Variants in SEMA3C observed in about 807,000 individuals in gnomAD.
SEMA3C encodes semaphorin 3C.
A neutral mutation model predicts 89.4 loss-of-function variants in SEMA3C; 47 were observed. The ratio of observed to expected loss-of-function variants is 0.53; its 90% CI spans 0.42 to 0.67. SEMA3C has a LOEUF of 0.67. SEMA3C is among the 30% of genes least tolerant of loss of function. SEMA3C has a pLI of 0.00. For synonymous variants in SEMA3C, 310 were observed against 320.2 expected, an observed-to-expected ratio of 0.97 and a Z score of 0.34; for missense variants, 839 against 929.1, an observed-to-expected ratio of 0.90 and a Z score of 1.26.
intron 2 of SEMA3C, among the ~76,000 whole-genome samples, chr7:80,888,219 C>T (rs1264088280): frequency 6.6e-6 from 1 of 151,926 alleles, no homozygotes; most frequent in African/African-American, 2.4e-5. Context: ...TGGAGACTAT[C>T]CTGGGCAACA....
chr7:80,784,367 C>A (rs1279629598), intron 12 of SEMA3C, among the ~76,000 whole-genome samples: 2 of 151,076 alleles, frequency 1.3e-5, no homozygotes, highest in African/African-American at 4.9e-5. Flanking sequence ...ATTTTTTCAA[C>A]CTGTGATTTT....
chr7:80,825,696 G>A (rs1789856040), intron 4 of SEMA3C, among the ~76,000 whole-genome samples: 1 of 152,002 alleles, frequency 6.6e-6, no homozygotes, highest in South Asian at 2.1e-4. Flanking sequence ...AAATCCTTTT[G>A]AACAAAGGAC....
At chr7:80,815,146 C>T (rs1487216087) in intron 5 of SEMA3C, among the ~76,000 whole-genome samples, 1 of 151,794 alleles carries the variant, frequency 6.6e-6, no homozygotes, top group Non-Finnish European at 1.5e-5. Flanking sequence ...CTGGATTGAA[C>T]AATGAGAGAA....
intron 1 of SEMA3C, among the ~76,000 whole-genome samples, 154 bp downstream of exon 1, chr7:80,918,674 C>T (rs1320012772): frequency 6.6e-6 from 1 of 152,190 alleles, no homozygotes; most frequent in African/African-American, 2.4e-5. Context: ...TCGAGCAGGG[C>T]TCTCAGCAAG....
At chr7:80,789,851 G>T (rs1788894363) in intron 11 of SEMA3C, among the ~76,000 whole-genome samples, 1 of 152,046 alleles carries the variant, frequency 6.6e-6, no homozygotes, top group Non-Finnish European at 1.5e-5. Flanking sequence ...ACACCATTTT[G>T]TTCAGAAAAC....
chr7:80,804,531 G>A (rs909802801), intron 7 of SEMA3C, among the ~76,000 whole-genome samples: 27 of 152,020 alleles, frequency 1.8e-4, no homozygotes, highest in African/African-American at 6.3e-4. Flanking sequence ...GAATCTGATG[G>A]CTATTTTATT....
At chr7:80,807,118 T>C (rs1301575900) in intron 6 of SEMA3C, among the ~76,000 whole-genome samples, 1 of 152,114 alleles carries the variant, frequency 6.6e-6, no homozygotes, top group African/African-American at 2.4e-5. Flanking sequence ...TCTAAGAACA[T>C]TTGTGAGGCT....
chr7:80,799,661 G>A (rs1303834846), intron 10 of SEMA3C, among the ~76,000 whole-genome samples: 1 of 151,526 alleles, frequency 6.6e-6, no homozygotes, highest in African/African-American at 2.4e-5. Flanking sequence ...GACCAACATG[G>A]TGAAACCCTG....
At chr7:80,829,665 C>T (rs927073750) in intron 2 of SEMA3C, among the ~76,000 whole-genome samples, 3 of 152,076 alleles carry the variant, frequency 2.0e-5, no homozygotes, top group Admixed American at 6.6e-5. Context: ...CCAGGATCCT[C>T]AGAGGTTAGT....
In SEMA3C at chr7:80,782,002, T is replaced by A. The variant is rs574146832; in HGVS notation, c.1354+7304A>T. Among the ~76,000 whole-genome samples, 4 of 151,962 alleles carry A rather than the reference T, an allele frequency of 2.6e-5. No individual in the cohort carries two copies. The South Asian group carries it at 6.2e-4, about 24-fold the overall frequency. On this transcript the variant is annotated intron_variant, in intron 12 of 17. Transcript: ENST00000265361. ...ATCCATTTTAATTAAGAAAAAAAAATGCCAAAGAGTTTGATGGGTGTTTTG... is the reference window on the plus strand; with the variant it reads ...ATCCATTTTAATTAAGAAAAAAAAAAGCCAAAGAGTTTGATGGGTGTTTTG...
In SEMA3C at chr7:80,802,695, C is replaced by A. The variant is rs1011521541; in HGVS notation, c.886G>T (p.Asp296Tyr). The A allele has an allele frequency of 6.2e-7, 1 of 1,613,290 alleles. No homozygotes were observed. Among genetic ancestry groups the A allele is most frequent in the African/African-American group, 1.3e-5 (1 of 74,924 alleles). ...TCATCAAAGTGTGTTTCTGGGCCGT[C>A]TTCATCTGTTACCGAGCACACCAGC... is the stretch of plus-strand genomic sequence containing the variant. ...ARLVCSVTDE[D>Y]GPETHFDELE... The change falls in exon 9 of 18, where the codon GAC becomes TAC. Residue 296 changes from aspartate (D) to tyrosine (Y), a missense_variant. Transcript: ENST00000265361.
chr7:80,891,643 G>A (rs1422930356), intron 2 of SEMA3C, among the ~76,000 whole-genome samples: 1 of 152,012 alleles, frequency 6.6e-6, no homozygotes, highest in East Asian at 1.9e-4. Context: ...ATTTTCAAAT[G>A]TTTTTAAAAA....
At chr7:80,836,266 A>T (rs1381235627) in intron 2 of SEMA3C, among the ~76,000 whole-genome samples, 1 of 152,226 alleles carries the variant, frequency 6.6e-6, no homozygotes, top group African/African-American at 2.4e-5. Flanking sequence ...CATGTAGAAG[A>T]CAGAAGGTTC....
chr7:80,894,074 TA>T (rs1791677474), intron 2 of SEMA3C, among the ~76,000 whole-genome samples: 1 of 152,182 alleles, frequency 6.6e-6, no homozygotes, highest in Non-Finnish European at 1.5e-5. Flanking sequence ...TTGCCATCGT[TA>T]AAAAATAAAT....
chr7:80,786,560 GTTT>G (rs1211226000), intron 12 of SEMA3C, among the ~76,000 whole-genome samples: 1 of 152,160 alleles, frequency 6.6e-6, no homozygotes, highest in Admixed American at 6.5e-5. Context: ...AAAGAAAACT[GTTT>G]TTCTAACACA....
In SEMA3C at chr7:80,803,045, G is replaced by A. The variant is rs138150106; in HGVS notation, c.802-266C>T. ...TGACATAATTATTTCTAATTTTAAC[G>A]ATGTACAATGGAAGTATTTATATAA... On this transcript the variant is annotated intron_variant, in intron 8 of 17. Transcript: ENST00000265361. Among the ~76,000 whole-genome samples the A allele has an allele frequency of 1.8e-3, 269 of 152,100 alleles. 2 individuals carry two copies. The highest frequency in any genetic ancestry group is 5.5e-3 in the African/African-American group (230 of 41,510).
At chr7:80,912,738 T>C (rs529501542) in intron 2 of SEMA3C, among the ~76,000 whole-genome samples, 2 of 152,318 alleles carry the variant, frequency 1.3e-5, no homozygotes, top group South Asian at 4.1e-4. Context: ...CCTGAGAAGA[T>C]TCAATACACC....
At chr7:80,815,741 G>A (rs975713944) in intron 5 of SEMA3C, among the ~76,000 whole-genome samples, 1 of 151,852 alleles carries the variant, frequency 6.6e-6, no homozygotes, top group Non-Finnish European at 1.5e-5. Context: ...AAAAGCATAG[G>A]GGATAATTTT....
intron 2 of SEMA3C, among the ~76,000 whole-genome samples, chr7:80,885,805 T>C (rs991971010): frequency 5.9e-5 from 9 of 152,220 alleles, no homozygotes; most frequent in African/African-American, 2.2e-4. Flanking sequence ...CTATAAACTA[T>C]GTACATTCCA....
Sources: gnomAD v4.1 joint callset for allele counts (sites outside exome capture counted in the v4.1 genomes callset) on GRCh38, gnomAD v4.1.1 for gene constraint, MANE v1.5 for transcripts, NCBI Gene and HGNC (gene_info 2026-07-23, HGNC 2026-07-21) for gene names.